CLCN3: variants seen among roughly 807,000 people sequenced by gnomAD.
CLCN3 encodes the protein Cl-/H+ antiporter 3, also known as H(+)/Cl(-) exchange transporter 3.
A neutral mutation model predicts 83.4 loss-of-function variants in CLCN3; 16 were observed. The observed-to-expected ratio is 0.19, with a 90% CI of 0.13 to 0.29. The LOEUF is 0.29. Ranked by LOEUF, CLCN3 falls within the 10% of genes least tolerant of loss-of-function variation. The probability of loss-of-function intolerance (pLI) is 1.00; values close to 1 mark genes in which losing one functional copy is unlikely to be tolerated. For missense variants in CLCN3, 544 were observed against 1,006.0 expected (o/e 0.54, Z 6.21); for synonymous variants, 322 against 346.2 (o/e 0.93, Z 0.78).
At chr4:169,659,841 G>A (rs781606009) in intron 2 of CLCN3, among the ~76,000 whole-genome samples, 39 of 151,730 alleles carry the variant, frequency 2.6e-4, no homozygotes, top group African/African-American at 6.3e-4. Context: ...ACATTCTCTC[G>A]TAAAACCACA....
chr4:169,626,982 C>CT (rs1306712931), intron 1 of CLCN3, among the ~76,000 whole-genome samples: 2 of 152,208 alleles, frequency 1.3e-5, no homozygotes, highest in Non-Finnish European at 2.9e-5. Context: ...TCCAGCTTCT[C>CT]TATCTGTAGT....
intron 7 of CLCN3, among the ~76,000 whole-genome samples, chr4:169,692,962 T>G (rs563197468): frequency 6.6e-6 from 1 of 152,330 alleles, no homozygotes; most frequent in Admixed American, 6.5e-5. Flanking sequence ...TCCATATTGC[T>G]CTGGGCATTT....
Position 169,707,115 on chromosome 4 carries a change from C to T in CLCN3, c.1998C>T (p.Pro666=). 6.2e-7 allele frequency: 1 copy of T among 1,614,076 alleles called. No homozygotes were observed. Among genetic ancestry groups the T allele is most frequent in the Non-Finnish European group, 8.5e-7 (1 of 1,179,982 alleles). The change falls in exon 11 of 13, where the codon CCC becomes CCT. Residue 666 remains proline, a synonymous_variant. Transcript: ENST00000513761. ...TGAGACCTCGAAGGAATGATCCTCC[C>T]TTAGCTGTCCTGACACAGGACAATA... ...DVMRPRRNDP[P]LAVLTQDNMT... is the part of the protein sequence containing the mutation.
chr4:169,641,793 C>T (rs1005741243), intron 2 of CLCN3, among the ~76,000 whole-genome samples: 2 of 152,092 alleles, frequency 1.3e-5, no homozygotes, highest in Non-Finnish European at 2.9e-5. Flanking sequence ...CTCCTGTAAA[C>T]GCAGAAACAT....
chr4:169,638,710 C>G (rs559476283), intron 2 of CLCN3, among the ~76,000 whole-genome samples: 1 of 152,142 alleles, frequency 6.6e-6, no homozygotes, highest in Admixed American at 6.5e-5. Context: ...GATGTCTTTA[C>G]TCATGGTCTT....
At position 169,624,953 on chromosome 4, in the gene CLCN3, G is replaced by A. The variant is rs764507672; in HGVS notation, c.-17+3890G>A. On this transcript the variant is annotated intron_variant, in intron 1 of 12. Coordinates refer to ENST00000513761, the MANE Select transcript of CLCN3 (RefSeq NM_001829.4). ...ATTACAGGTGCCCGCCACCATGCCC[G>A]GCTAATTTTTGTGCTTTTATTAGAG... Among the ~76,000 whole-genome samples, 96 of 151,936 alleles carry A rather than the reference G, an allele frequency of 6.3e-4. 1 individual carries two copies. Among genetic ancestry groups the A allele is most frequent in the Non-Finnish European group, 1.3e-3 (86 of 67,942 alleles).
chr4:169,627,854 A>G (rs1773272447), intron 1 of CLCN3, among the ~76,000 whole-genome samples: 1 of 152,214 alleles, frequency 6.6e-6, no homozygotes, highest in South Asian at 2.1e-4. Flanking sequence ...AAGGCAATGA[A>G]AAAGAAGAAT....
At chr4:169,636,608 C>T (rs763013677) in intron 2 of CLCN3, among the ~76,000 whole-genome samples, 5 of 152,080 alleles carry the variant, frequency 3.3e-5, no homozygotes, top group African/African-American at 4.8e-5. Context: ...CTTTTACTTA[C>T]GTTTCAAAAT....
At chr4:169,704,839 AGTTTT>A (rs940623115) in intron 10 of CLCN3, among the ~76,000 whole-genome samples, 7 of 152,196 alleles carry the variant, frequency 4.6e-5, no homozygotes, top group African/African-American at 1.4e-4. Flanking sequence ...CATTTTGACC[AGTTTT>A]GTTTAGTGAA....
At chr4:169,699,894 T>G (rs62346179) in intron 9 of CLCN3, among the ~76,000 whole-genome samples, 18,250 of 151,970 alleles carry the variant, frequency 0.12, 1,174 homozygotes, top group East Asian at 0.17. Context: ...AAAATAATAA[T>G]AAGAAGAAAA....
At position 169,663,661 on chromosome 4, in the gene CLCN3, A is replaced by G. The variant is rs760578163; in HGVS notation, c.161-16389A>G. The G allele has an allele frequency of 4.0e-5, 17 of 424,450 alleles. 1 individual carries two copies. The highest frequency in any genetic ancestry group is 2.6e-4 in the South Asian group (16 of 61,318). The allele number at this position is 424,450 out of a possible 1,614,324, so 26.3% of individuals were successfully genotyped here. A position where few individuals can be genotyped will look rare whatever the true frequency, so the allele number is the denominator to read the frequency against. On this transcript the variant is annotated intron_variant, in intron 2 of 12. Transcript: ENST00000513761. ...GGCTTGTTCTAAGTGCTTTATGTGT[A>G]TGAAATTATTTAAATCCTCATCACA...
intron 2 of CLCN3, among the ~76,000 whole-genome samples, chr4:169,669,373 C>T (rs748295941): frequency 9.9e-5 from 15 of 152,044 alleles, no homozygotes; most frequent in Non-Finnish European, 2.2e-4. Flanking sequence ...TGCCTGCAGT[C>T]CCAACTACTT....
chr4:169,721,596 T>C lies in CLCN3; in HGVS notation c.*1599T>C, dbSNP rs879729678. Reference sequence around the variant, plus strand: ...GCAAAGATAGCAGTTAAAATTTTAATCTGAAAATAACCTTTGAATCTCGGG... The same window carrying C: ...GCAAAGATAGCAGTTAAAATTTTAACCTGAAAATAACCTTTGAATCTCGGG... On this transcript the variant is annotated 3_prime_UTR_variant, in exon 13 of 13. Transcript: ENST00000513761. The C allele has an allele frequency of 2.0e-5, 3 of 152,260 alleles. No homozygotes were observed. Among genetic ancestry groups the C allele is most frequent in the Non-Finnish European group, 4.4e-5 (3 of 68,048 alleles). 9.4% of individuals were successfully genotyped at this position (152,260 alleles called of 1,614,324 possible).
intron 2 of CLCN3, among the ~76,000 whole-genome samples, chr4:169,636,448 C>G (rs1026212338): frequency 1.3e-5 from 2 of 152,264 alleles, no homozygotes; most frequent in East Asian, 3.9e-4. Context: ...ACTCCTCAAT[C>G]AAGAAGTAAA....
chr4:169,700,018 A>C (rs1371363296), intron 9 of CLCN3, among the ~76,000 whole-genome samples: 2 of 152,140 alleles, frequency 1.3e-5, no homozygotes, highest in African/African-American at 2.4e-5. Flanking sequence ...GTAAATCCCA[A>C]CTTTCTCACA....
intron 2 of CLCN3, among the ~76,000 whole-genome samples, chr4:169,645,319 C>G (rs13145908): frequency 0.17 from 26,224 of 152,020 alleles, 2,847 homozygotes; most frequent in South Asian, 0.3. Flanking sequence ...AGGGTAAAAT[C>G]TACATATATG....
At chr4:169,715,419 G>T (rs889126101) in intron 12 of CLCN3, among the ~76,000 whole-genome samples, 6 of 152,014 alleles carry the variant, frequency 3.9e-5, no homozygotes, top group African/African-American at 4.8e-5. Context: ...TACATATATG[G>T]GGAGAAAAGA....
chr4:169,682,723 G>T (rs1289518271), intron 3 of CLCN3, among the ~76,000 whole-genome samples: 1 of 152,152 alleles, frequency 6.6e-6, no homozygotes, highest in Non-Finnish European at 1.5e-5. Context: ...GCTCTTATTT[G>T]AAACTGGCAT....
chr4:169,678,910 C>G (rs2150236727), intron 2 of CLCN3, among the ~76,000 whole-genome samples: 1 of 152,380 alleles, frequency 6.6e-6, no homozygotes, highest in Admixed American at 6.5e-5. Flanking sequence ...ATGGCCCGTT[C>G]TCAATGAGCT....
Sources: gnomAD v4.1 joint callset for allele counts (sites outside exome capture counted in the v4.1 genomes callset) on GRCh38, gnomAD v4.1.1 for gene constraint, MANE v1.5 for transcripts, NCBI Gene and HGNC (gene_info 2026-07-23, HGNC 2026-07-21) for gene names.